Variants in CNTN5 observed in about 807,000 individuals in gnomAD.
CNTN5 encodes the protein contactin-5.
A neutral mutation model predicts 129.1 loss-of-function variants in CNTN5; 77 were observed. The observed-to-expected ratio is 0.60, with a 90% CI of 0.50 to 0.72. The LOEUF is 0.72. Among genes scored for constraint, CNTN5 ranks in the 30% least tolerant of loss-of-function variants. The probability of loss-of-function intolerance (pLI) is 0.00; values close to 1 mark genes in which losing one functional copy is unlikely to be tolerated. For missense variants in CNTN5, 1,478 were observed against 1,328.8 expected (o/e 1.11, Z -1.75); for synonymous variants, 509 against 465.6 (o/e 1.09, Z -1.20).
intron 1 of CNTN5, among the ~76,000 whole-genome samples, chr11:99,306,777 A>C (rs1864896950): frequency 7.7e-6 from 1 of 130,544 alleles, no homozygotes; most frequent in Non-Finnish European, 1.7e-5. Context: ...AATAATAATA[A>C]TAATAATTTA....
chr11:99,787,869 CAT>C (rs1945591994), intron 3 of CNTN5, among the ~76,000 whole-genome samples: 2 of 152,058 alleles, frequency 1.3e-5, no homozygotes, highest in African/African-American at 4.8e-5. Context: ...ATTGCCAAAA[CAT>C]GTAGCTAACC....
chr11:100,045,322 A>G (rs1470196381), intron 9 of CNTN5, among the ~76,000 whole-genome samples: 1 of 152,094 alleles, frequency 6.6e-6, no homozygotes. Context: ...TTTAGTCACC[A>G]TGGTTTAAGG....
intron 7 of CNTN5, among the ~76,000 whole-genome samples, chr11:99,954,286 T>C (rs1380125436): frequency 1.3e-5 from 2 of 152,182 alleles, no homozygotes; most frequent in Non-Finnish European, 2.9e-5. Flanking sequence ...TCTGCTGAAA[T>C]AGGGACTACT....
At chr11:99,733,866 G>C in intron 3 of CNTN5, among the ~76,000 whole-genome samples, 1 of 152,286 alleles carries the variant, frequency 6.6e-6, no homozygotes, top group Admixed American at 6.5e-5. Context: ...CCAGCCTACT[G>C]ACTTATGAAC....
At chr11:99,683,287 T>G (rs1187839227) in intron 3 of CNTN5, among the ~76,000 whole-genome samples, 3 of 151,866 alleles carry the variant, frequency 2.0e-5, no homozygotes, top group Non-Finnish European at 4.4e-5. Flanking sequence ...CTTGCACTTT[T>G]TCATCTAGTC....
At chr11:100,286,120 C>T (rs1454227304) in intron 18 of CNTN5, among the ~76,000 whole-genome samples, 4 of 152,326 alleles carry the variant, frequency 2.6e-5, no homozygotes, top group South Asian at 2.1e-4. Flanking sequence ...CACGGAGTCT[C>T]GCTGATTGCT....
intron 3 of CNTN5, among the ~76,000 whole-genome samples, chr11:99,814,731 T>A (rs537641244): frequency 1.3e-5 from 2 of 151,954 alleles, no homozygotes; most frequent in East Asian, 3.9e-4. Flanking sequence ...GATCAGTAGA[T>A]TGTAGGTCTT....
intron 3 of CNTN5, among the ~76,000 whole-genome samples, chr11:99,590,014 G>T (rs1457249250): frequency 6.6e-6 from 1 of 152,188 alleles, no homozygotes; most frequent in Non-Finnish European, 1.5e-5. Context: ...CACTGGGCTA[G>T]TGAGGGTATA....
At chr11:100,215,957 G>A (rs1949130965) in intron 15 of CNTN5, among the ~76,000 whole-genome samples, 1 of 152,140 alleles carries the variant, frequency 6.6e-6, no homozygotes, top group African/African-American at 2.4e-5. Context: ...TATGAGACCA[G>A]AGATCGAAGG....
At chr11:99,757,642 C>G (rs1005672911) in intron 3 of CNTN5, among the ~76,000 whole-genome samples, 2 of 152,000 alleles carry the variant, frequency 1.3e-5, no homozygotes, top group Non-Finnish European at 2.9e-5. Flanking sequence ...AGGTCGTACT[C>G]TAAGGTTCCA....
At chr11:99,236,343 T>A (rs1381210671) in intron 1 of CNTN5, among the ~76,000 whole-genome samples, 1 of 152,120 alleles carries the variant, frequency 6.6e-6, no homozygotes, top group Non-Finnish European at 1.5e-5. Flanking sequence ...TTTTATCAGA[T>A]GAAATGCCAA....
chr11:100,019,004 T>C (rs1940978500), intron 9 of CNTN5, among the ~76,000 whole-genome samples: 1 of 151,946 alleles, frequency 6.6e-6, no homozygotes, highest in African/African-American at 2.4e-5. Context: ...GATATTTTTA[T>C]TATTAAATTT....
chr11:100,011,271 C>G (rs1241230507), intron 9 of CNTN5, among the ~76,000 whole-genome samples: 1 of 152,044 alleles, frequency 6.6e-6, no homozygotes, highest in African/African-American at 2.4e-5. Flanking sequence ...TGTCAACTAG[C>G]CTCCAACAGA....
intron 2 of CNTN5, among the ~76,000 whole-genome samples, chr11:99,479,049 G>T (rs942553846): frequency 2.0e-5 from 3 of 151,636 alleles, no homozygotes; most frequent in Admixed American, 2.0e-4. Context: ...GAACACTAAT[G>T]CAAATAGCAT....
At chr11:99,640,838 A>G (rs1951744392) in intron 3 of CNTN5, among the ~76,000 whole-genome samples, 1 of 152,178 alleles carries the variant, frequency 6.6e-6, no homozygotes, top group African/African-American at 2.4e-5. Context: ...CCCCCTTGTT[A>G]AGCAATGCAT....
intron 3 of CNTN5, among the ~76,000 whole-genome samples, chr11:99,562,737 G>C (rs72995259): frequency 0.12 from 18,581 of 152,114 alleles, 1,457 homozygotes; most frequent in Non-Finnish European, 0.18. Context: ...TTTATTGGTA[G>C]AGGAAATGGT....
chr11:99,547,443 T>C (rs986556307), intron 2 of CNTN5, among the ~76,000 whole-genome samples: 2 of 152,190 alleles, frequency 1.3e-5, no homozygotes, highest in African/African-American at 4.8e-5. Context: ...TTATAGGAAA[T>C]GTAGAAAGTT....
At chr11:99,316,691 A>G (rs1289324341) in intron 1 of CNTN5, among the ~76,000 whole-genome samples, 2 of 151,944 alleles carry the variant, frequency 1.3e-5, no homozygotes, top group Non-Finnish European at 2.9e-5. Context: ...TAAGCACTTC[A>G]GTTAGTCTTC....
At chr11:99,676,788 A>G (rs1440212368) in intron 3 of CNTN5, among the ~76,000 whole-genome samples, 1 of 152,218 alleles carries the variant, frequency 6.6e-6, no homozygotes, top group East Asian at 1.9e-4. Context: ...ACAACAAAGT[A>G]TGAAACACAA....
Sources: gnomAD v4.1 joint callset for allele counts (sites outside exome capture counted in the v4.1 genomes callset) on GRCh38, gnomAD v4.1.1 for gene constraint, MANE v1.5 for transcripts, NCBI Gene and HGNC (gene_info 2026-07-23, HGNC 2026-07-21) for gene names.